The following ACCSL variants were observed in gnomAD, a reference collection of about 807,000 sequenced individuals.
The protein encoded by ACCSL is 1-aminocyclopropane-1-carboxylate synthase homolog (inactive) like, also known as probable inactive 1-aminocyclopropane-1-carboxylate synthase-like protein 2.
In ACCSL, 55 loss-of-function variants were observed where a neutral mutation model predicts 61.7. The observed-to-expected ratio is 0.89, with a 90% CI of 0.72 to 1.12. ACCSL has a LOEUF of 1.12. Ranked by LOEUF, ACCSL falls within the 50% of genes most tolerant of loss-of-function variation. The probability of loss-of-function intolerance (pLI) is 0.00; values close to 1 mark genes in which losing one functional copy is unlikely to be tolerated. For missense variants in ACCSL, 632 were observed against 698.0 expected (o/e 0.91, Z 1.07); for synonymous variants, 258 against 264.3 (o/e 0.98, Z 0.23).
At chr11:43,932,896 T>C in the ACCSL span, among the ~76,000 whole-genome samples, 1 of 152,158 alleles carries the variant, frequency 6.6e-6, no homozygotes, top group African/African-American at 2.4e-5. Flanking sequence ...TCACCTCAGC[T>C]CCTGATAGCT....
the ACCSL span, among the ~76,000 whole-genome samples, chr11:43,990,426 C>T: frequency 1.3e-5 from 2 of 152,088 alleles, no homozygotes; most frequent in Non-Finnish European, 2.9e-5. Context: ...ACCGTTTCCT[C>T]GCGAGGTAGA....
At chr11:43,993,196 G>A in the ACCSL span, among the ~76,000 whole-genome samples, 1 of 152,202 alleles carries the variant, frequency 6.6e-6, no homozygotes, top group Non-Finnish European at 1.5e-5. Flanking sequence ...AACAACCTGA[G>A]CAATTCATGG....
intron 11 of ACCSL, among the ~76,000 whole-genome samples, chr11:44,057,235 T>C (rs556858648): frequency 5.1e-4 from 77 of 152,364 alleles, no homozygotes; most frequent in African/African-American, 1.8e-3. Flanking sequence ...TCACTTTCTT[T>C]AGTTCCCTGT....
At chr11:43,969,497 A>T in the ACCSL span, among the ~76,000 whole-genome samples, 27,206 of 152,220 alleles carry the variant, frequency 0.18, 2,756 homozygotes, top group East Asian at 0.23. Context: ...ATCACCCAGA[A>T]CAGTGCTTGG....
chr11:43,934,370 A>G, the ACCSL span, among the ~76,000 whole-genome samples: 1 of 152,104 alleles, frequency 6.6e-6, no homozygotes. Flanking sequence ...AGGGGGCAGG[A>G]CCACCCGAAA....
the ACCSL span, chr11:43,995,435 A>G: frequency 1.3e-5 from 2 of 152,364 alleles, no homozygotes; most frequent in South Asian, 2.1e-4. Flanking sequence ...GCAGCCGTCA[A>G]CAGAACTGTC....
the ACCSL span, among the ~76,000 whole-genome samples, chr11:44,038,561 G>A: frequency 5.9e-5 from 9 of 152,142 alleles, no homozygotes; most frequent in Admixed American, 1.3e-4. Flanking sequence ...AAATCCTGGT[G>A]TGCTGGGAGA....
the ACCSL span, among the ~76,000 whole-genome samples, chr11:43,956,408 A>G: frequency 1.3e-5 from 2 of 149,270 alleles, no homozygotes; most frequent in Non-Finnish European, 3.0e-5. Flanking sequence ...TTTCTGTCAT[A>G]ATTTTCTCAC....
chr11:43,981,858 G>A, the ACCSL span, among the ~76,000 whole-genome samples: 3 of 152,134 alleles, frequency 2.0e-5, no homozygotes, highest in Admixed American at 6.5e-5. Flanking sequence ...CCCTCTCCCC[G>A]CCCAGGGCAA....
At chr11:44,035,740 C>T in the ACCSL span, among the ~76,000 whole-genome samples, 1 of 151,948 alleles carries the variant, frequency 6.6e-6, no homozygotes, top group East Asian at 1.9e-4. Flanking sequence ...GAGTTTGAGA[C>T]TAGCCTGGCC....
chr11:43,925,969 G>A, the ACCSL span, among the ~76,000 whole-genome samples: 1 of 152,108 alleles, frequency 6.6e-6, no homozygotes. Context: ...CCTTATGCTG[G>A]GTGGGCGGTC....
At chr11:44,015,613 T>C in the ACCSL span, among the ~76,000 whole-genome samples, 1 of 152,142 alleles carries the variant, frequency 6.6e-6, no homozygotes, top group Non-Finnish European at 1.5e-5. Flanking sequence ...GCCAGACTAG[T>C]GGTGTTTCGC....
At chr11:43,993,193 T>C in the ACCSL span, among the ~76,000 whole-genome samples, 86 of 152,280 alleles carry the variant, frequency 5.6e-4, no homozygotes, top group African/African-American at 2.1e-3. Context: ...TGAAACAACC[T>C]GAGCAATTCA....
chr11:43,932,958 T>C, the ACCSL span: 1 of 406,098 alleles, frequency 2.5e-6, no homozygotes, highest in African/African-American at 2.1e-5. Context: ...GCCACACAGC[T>C]CTAATAGCAG....
chr11:44,017,917 T>C, the ACCSL span, among the ~76,000 whole-genome samples: 6 of 152,060 alleles, frequency 3.9e-5, no homozygotes, highest in African/African-American at 7.2e-5. Flanking sequence ...CAGCTTGTCA[T>C]TGGGCTGGAG....
the ACCSL span, among the ~76,000 whole-genome samples, chr11:44,000,423 C>T: frequency 7.0e-6 from 1 of 141,852 alleles, no homozygotes; most frequent in Non-Finnish European, 1.6e-5. Flanking sequence ...CTCACCTGGC[C>T]CCCTGTCTCT....
At chr11:44,015,970 T>C in the ACCSL span, among the ~76,000 whole-genome samples, 3 of 152,222 alleles carry the variant, frequency 2.0e-5, no homozygotes, top group Non-Finnish European at 4.4e-5. Context: ...TATGATCATA[T>C]TGCAGAAGCT....
intron 2 of ACCSL, 129 bp from the exon 3 acceptor site, chr11:44,050,423 T>C: frequency 1.0e-5 from 8 of 769,308 alleles, no homozygotes; most frequent in Non-Finnish European, 1.6e-5. Context: ...GAGCATGCAG[T>C]GTATATACCC....
chr11:43,943,341 G>A, the ACCSL span: 5 of 1,407,962 alleles, frequency 3.6e-6, no homozygotes, highest in Admixed American at 1.5e-4. This position sits in a 1 kb window ranked among gnomAD's most constrained non-coding sequence, Gnocchi z 4.8. Flanking sequence ...TGAACCCCGA[G>A]AGTGCCCGCG....
Sources: gnomAD v4.1 joint callset for allele counts (sites outside exome capture counted in the v4.1 genomes callset) on GRCh38, gnomAD v4.1.1 for gene constraint, Gnocchi (gnomAD v3.1) non-coding constraint, MANE v1.5 for transcripts, NCBI Gene and HGNC (gene_info 2026-07-23, HGNC 2026-07-21) for gene names.